SLC35E1: variants seen among roughly 807,000 people sequenced by gnomAD.
SLC35E1 encodes solute carrier family 35 member E1.
A neutral mutation model predicts 31.0 loss-of-function variants in SLC35E1; 12 were observed. That is an observed-to-expected ratio of 0.39 (90% CI 0.25 to 0.63). SLC35E1 has a LOEUF of 0.63. SLC35E1 is among the 20% of genes least tolerant of loss of function. The pLI is 0.52. For missense variants in SLC35E1, 429 were observed against 572.2 expected (o/e 0.75, Z 2.55); for synonymous variants, 257 against 264.1 (o/e 0.97, Z 0.26).
chr19:16,552,123 G>A lies in SLC35E1; in HGVS notation c.*1556C>T, dbSNP rs1222114487. The A allele has an allele frequency of 6.6e-6, 1 of 152,010 alleles. No homozygotes were observed. Among genetic ancestry groups the A allele is most frequent in the Non-Finnish European group, 1.5e-5 (1 of 68,026 alleles). 9.4% of individuals were successfully genotyped at this position (152,010 alleles called of 1,614,324 possible). A position where few individuals can be genotyped will look rare whatever the true frequency, so the allele number is the denominator to read the frequency against. ...TGTTCGCTCCTCGTCCCCTTACCCA[G>A]AACATGATTCAGATCCTAACATAAA... On this transcript the variant is annotated 3_prime_UTR_variant, in exon 6 of 6. Transcript: ENST00000595753.
intron 5 of SLC35E1, among the ~76,000 whole-genome samples, chr19:16,554,454 G>A (rs986083420): frequency 2.0e-5 from 3 of 152,044 alleles, no homozygotes; most frequent in African/African-American, 4.8e-5. Flanking sequence ...CTAGGCGGGA[G>A]GATCACTTGA....
chr19:16,569,109 C>T (rs943050150), intron 2 of SLC35E1, among the ~76,000 whole-genome samples: 18 of 152,090 alleles, frequency 1.2e-4, no homozygotes, highest in Admixed American at 2.0e-4. Flanking sequence ...ACTGCAACCT[C>T]TGCCTCCCAG....
chr19:16,559,359 T>C (rs1386542162), intron 4 of SLC35E1, among the ~76,000 whole-genome samples: 1 of 151,588 alleles, frequency 6.6e-6, no homozygotes, highest in South Asian at 2.1e-4. Context: ...GTGGCTCATG[T>C]CTATAGTCCC....
Position 16,551,577 on chromosome 19 carries a change from A to T in SLC35E1, c.*2102T>A, listed in dbSNP as rs2085845574. ...AGAAGCTGGGTGTGGTGATGAAGAAAGAAGGCAGCCATCACCTAAGACCCC... is the reference window on the plus strand; with the variant it reads ...AGAAGCTGGGTGTGGTGATGAAGAATGAAGGCAGCCATCACCTAAGACCCC... On this transcript the variant is annotated 3_prime_UTR_variant, in exon 6 of 6. Coordinates refer to ENST00000595753, the MANE Select transcript of SLC35E1 (RefSeq NM_024881.5). The T allele has an allele frequency of 6.6e-6, 1 of 152,084 alleles. No homozygotes were observed. Among genetic ancestry groups the T allele is most frequent in the Non-Finnish European group, 1.5e-5 (1 of 68,022 alleles). The allele number at this position is 152,084 out of a possible 1,614,324, so 9.4% of individuals were successfully genotyped here.
intron 4 of SLC35E1, among the ~76,000 whole-genome samples, chr19:16,559,587 A>T (rs2085894442): frequency 6.6e-6 from 1 of 152,062 alleles, no homozygotes; most frequent in Non-Finnish European, 1.5e-5. Flanking sequence ...AGAGAGGTTG[A>T]GGTGGCAGTG....
Position 16,566,684 on chromosome 19 carries a change from G to A in SLC35E1, c.631-27C>T, listed in dbSNP as rs1295822775. Reference sequence around the variant, plus strand: ...TGGAAAGGGAAAGCCTCTTTAGAGGGTGATTAAAACTATATGTGGCAAAAA... The same window carrying A: ...TGGAAAGGGAAAGCCTCTTTAGAGGATGATTAAAACTATATGTGGCAAAAA... On this transcript the variant is annotated intron_variant, in intron 3 of 5. Transcript: ENST00000595753. 3.1e-6 allele frequency: 5 copies of A among 1,605,452 alleles called. No homozygotes were observed. In the Admixed American group the frequency reaches 5.1e-5, roughly 16 times the overall value.
Position 16,550,683 on chromosome 19 carries a change from G to C in SLC35E1, c.*2996C>G, listed in dbSNP as rs1265582710. On this transcript the variant is annotated 3_prime_UTR_variant, in exon 6 of 6. Coordinates refer to ENST00000595753, the MANE Select transcript of SLC35E1 (RefSeq NM_024881.5). ...GGGGATGGAGGTTGTAGTGAGCTGA[G>C]ACTGCGCCACTGCACTCCAGCCTGA... The C allele has an allele frequency of 1.3e-5, 2 of 152,322 alleles. No individual in the cohort carries two copies. The highest frequency in any genetic ancestry group is 2.9e-5 in the Non-Finnish European group (2 of 68,146). 9.4% of individuals were successfully genotyped at this position (152,322 alleles called of 1,614,324 possible).
In SLC35E1 at chr19:16,555,385, G is replaced by T; in HGVS notation, c.769C>A (p.Gln257Lys). The change falls in exon 5 of 6, where the codon CAG (glutamine) becomes AAG (lysine). Residue 257 changes from glutamine (Q) to lysine (K), a missense_variant. Physicochemically the swap from Gln to Lys is moderately conservative, Grantham distance 53. Coordinates refer to ENST00000595753, the MANE Select transcript of SLC35E1 (RefSeq NM_024881.5). The surrounding 1 kb of genome is among the most constrained non-coding windows in gnomAD (Gnocchi z 4.1). ...LVSSDLTYVY[Q>K]WPWTLLLLAV... Reference sequence around the variant, plus strand: ...AGGAGCAGGAGCGTCCAGGGCCACTGGTAGACGTAGGTCTGCAGAGACCGG... The same window carrying T: ...AGGAGCAGGAGCGTCCAGGGCCACTTGTAGACGTAGGTCTGCAGAGACCGG... The T allele has an allele frequency of 6.2e-7, 1 of 1,613,690 alleles. No homozygotes were observed. The highest frequency in any genetic ancestry group is 1.1e-5 in the South Asian group (1 of 91,056).
chr19:16,565,179 C>T (rs1267553734), intron 4 of SLC35E1: 2 of 453,896 alleles, frequency 4.4e-6, no homozygotes, highest in East Asian at 7.0e-5. Context: ...GAAACAGAGA[C>T]CAGGGAGGAA....
At chr19:16,560,592 C>T (rs926993352) in intron 4 of SLC35E1, among the ~76,000 whole-genome samples, 7 of 152,064 alleles carry the variant, frequency 4.6e-5, no homozygotes, top group African/African-American at 1.4e-4. Context: ...CCGGGCGTGC[C>T]GGCTGGCGCC....
chr19:16,561,979 G>A (rs2085908748), intron 4 of SLC35E1, among the ~76,000 whole-genome samples: 1 of 152,010 alleles, frequency 6.6e-6, no homozygotes, highest in Non-Finnish European at 1.5e-5. Flanking sequence ...CTTAAGGCCA[G>A]GAGTTCAAGA....
rs533206318 is a variant in SLC35E1 at position 16,555,618 on chromosome 19, G to A, written c.757-221C>T. 52 of 564,414 alleles carry A rather than the reference G, an allele frequency of 9.2e-5. No individual in the cohort carries two copies. The highest frequency in any genetic ancestry group is 5.8e-4 in the African/African-American group (31 of 53,346). 35.0% of individuals were successfully genotyped at this position (564,414 alleles called of 1,614,324 possible). Reference sequence around the variant, plus strand: ...CCACACAGCATGGGAATCACCCGCCGTCTCCTGCCAAGGAAACAGGTGAAG... The same window carrying A: ...CCACACAGCATGGGAATCACCCGCCATCTCCTGCCAAGGAAACAGGTGAAG... On this transcript the variant is annotated intron_variant, in intron 4 of 5. Coordinates refer to ENST00000595753, the MANE Select transcript of SLC35E1 (RefSeq NM_024881.5). This position sits in a 1 kb window ranked among gnomAD's most constrained non-coding sequence, Gnocchi z 4.1.
intron 4 of SLC35E1, chr19:16,557,068 A>C (rs1212477122): frequency 2.3e-6 from 1 of 438,024 alleles, no homozygotes; most frequent in African/African-American, 2.0e-5. Context: ...TAGGATTTCC[A>C]TGCTATTTTC....
chr19:16,568,795 G>T (rs1173759280), intron 2 of SLC35E1, among the ~76,000 whole-genome samples: 1 of 152,176 alleles, frequency 6.6e-6, no homozygotes. Context: ...GCCTCCCAAA[G>T]TACTGGGATT....
chr19:16,553,927 CA>C lies in SLC35E1; in HGVS notation c.1003-19del. 1 of 1,572,282 alleles carries C rather than the reference CA, an allele frequency of 6.4e-7. No individual in the cohort carries two copies. Among genetic ancestry groups the C allele is most frequent in the Non-Finnish European group, 8.7e-7 (1 of 1,155,660 alleles). ...TACTTGGTCTGTGCCAGAAAGAGAG[CA>C]ATGAGACAGGACATGCCCGGGGCAT... On this transcript the variant is annotated intron_variant, in intron 5 of 5. Coordinates refer to ENST00000595753, the MANE Select transcript of SLC35E1 (RefSeq NM_024881.5).
intron 4 of SLC35E1, among the ~76,000 whole-genome samples, chr19:16,560,879 AC>A (rs1568272935): frequency 2.8e-4 from 32 of 112,410 alleles, no homozygotes; most frequent in South Asian, 5.5e-4. Flanking sequence ...AAAAAAAAAA[AC>A]CAAAAAAAAA....
rs1305029498 is a variant in SLC35E1, at chr19:16,555,087, C to T, written c.1002+65G>A. 1 of 1,599,524 alleles carries T rather than the reference C, an allele frequency of 6.3e-7. No individual in the cohort carries two copies. Among genetic ancestry groups the T allele is most frequent in the Non-Finnish European group, 8.5e-7 (1 of 1,173,386 alleles). On this transcript the variant is annotated intron_variant, in intron 5 of 5. Transcript: ENST00000595753. The surrounding 1 kb of genome is among the most constrained non-coding windows in gnomAD (Gnocchi z 4.1). ...GCCTTGAGCGCCCGGGAGGCCCTTC[C>T]TTTTCTGACTTCCTGGGTGTTGGGG...
At chr19:16,560,069 T>G (rs1446185168) in intron 4 of SLC35E1, among the ~76,000 whole-genome samples, 1 of 152,192 alleles carries the variant, frequency 6.6e-6, no homozygotes, top group African/African-American at 2.4e-5. Flanking sequence ...GGCTCTGTCC[T>G]GAGTCTGTGC....
intron 4 of SLC35E1, among the ~76,000 whole-genome samples, chr19:16,560,881 C>CAAAAAAAAAAAAAAAAAAAAAAAAAA (rs1304202019): frequency 4.4e-5 from 3 of 68,060 alleles, no homozygotes; most frequent in South Asian, 4.8e-4. Context: ...AAAAAAAAAC[C>CAAAAAAAAAAAAAAAAAAAAAAAAAA]AAAAAAAAAA....
Sources: allele counts gnomAD v4.1 joint callset (sites outside exome capture counted in the v4.1 genomes callset), GRCh38; gene constraint gnomAD v4.1.1; non-coding constraint Gnocchi (gnomAD v3.1); transcripts MANE v1.5; gene names NCBI Gene and HGNC (gene_info 2026-07-23, HGNC 2026-07-21).